The following ROR2 variants were observed in gnomAD, a reference collection of about 807,000 sequenced individuals.
ROR2 encodes tyrosine-protein kinase transmembrane receptor ROR2.
A neutral mutation model predicts 74.9 loss-of-function variants in ROR2; 33 were observed. The observed-to-expected ratio is 0.44, with a 90% CI of 0.33 to 0.59. The LOEUF is 0.59. ROR2 is among the 20% of genes least tolerant of loss of function. The pLI, the probability that ROR2 is intolerant of heterozygous loss-of-function variation, is 0.02. For synonymous variants in ROR2, 586 were observed against 558.7 expected (o/e 1.05, Z -0.69); for missense variants, 1,216 against 1,313.8 (o/e 0.93, Z 1.15).
At chr9:91,822,645 T>C (rs559248101) in intron 1 of ROR2, among the ~76,000 whole-genome samples, 10 of 152,310 alleles carry the variant, frequency 6.6e-5, no homozygotes, top group East Asian at 5.8e-4. Flanking sequence ...CGAAAACCAC[T>C]GAGCAGAAGG....
intron 1 of ROR2, among the ~76,000 whole-genome samples, chr9:91,830,263 G>T (rs1331384589): frequency 6.6e-6 from 1 of 152,082 alleles, no homozygotes; most frequent in Non-Finnish European, 1.5e-5. Flanking sequence ...CCAGGAGTTC[G>T]AGACCAGCCT....
In ROR2 at chr9:91,737,599, T is replaced by C; in HGVS notation, c.495-81A>G. 3 of 1,599,776 alleles carry C rather than the reference T, an allele frequency of 1.9e-6. No individual in the cohort carries two copies. In the South Asian group the frequency reaches 3.3e-5, roughly 18 times the overall value. ...ATGACTTCTTTTATGATCCAGCATC[T>C]TGCGATCCAGCAATTTTGTTACTTG... is the stretch of plus-strand genomic sequence containing the variant. On this transcript the variant is annotated intron_variant, in intron 4 of 8. Coordinates refer to ENST00000375708, the MANE Select transcript of ROR2 (RefSeq NM_004560.4).
chr9:91,762,548 C>A (rs773099339), intron 2 of ROR2, among the ~76,000 whole-genome samples: 1 of 152,046 alleles, frequency 6.6e-6, no homozygotes, highest in South Asian at 2.1e-4. Context: ...ATGAACAAAA[C>A]GTATAAAGAT....
chr9:91,860,251 G>A (rs1394329613), intron 1 of ROR2, among the ~76,000 whole-genome samples: 1 of 152,212 alleles, frequency 6.6e-6, no homozygotes, highest in Non-Finnish European at 1.5e-5. Context: ...ATCCTTAGCA[G>A]AGAAGCCCTC....
At position 91,792,660 on chromosome 9, in the gene ROR2, G is replaced by A. The variant is rs568306091; in HGVS notation, c.98-16842C>T. 2.0e-4 allele frequency among the ~76,000 whole-genome samples: 31 copies of A among 152,256 alleles called. No individual in the cohort carries two copies. The South Asian group carries it at 6.4e-3, about 32-fold the overall frequency. The stretch of plus-strand genomic sequence containing the variant: ...CAAACTTTAGCTAGACTGACCAAGA[G>A]AAGACTCAAATTATTAATATTAAGA... On this transcript the variant is annotated intron_variant, in intron 1 of 8. Coordinates refer to ENST00000375708, the MANE Select transcript of ROR2 (RefSeq NM_004560.4).
At chr9:91,798,661 G>GACAC (rs1378933556) in intron 1 of ROR2, among the ~76,000 whole-genome samples, 1 of 142,512 alleles carries the variant, frequency 7.0e-6, no homozygotes, top group Admixed American at 6.9e-5. Flanking sequence ...CCTGGGCTCT[G>GACAC]TGGGTGGGGC....
At chr9:91,805,284 GGCAGGGGAGAA>G (rs779421814) in intron 1 of ROR2, among the ~76,000 whole-genome samples, 9 of 152,200 alleles carry the variant, frequency 5.9e-5, no homozygotes, top group Non-Finnish European at 1.2e-4. Flanking sequence ...CGGAGTTAGG[GGCAGGGGAGAA>G]CAGATTTGAG....
intron 2 of ROR2, among the ~76,000 whole-genome samples, chr9:91,764,276 T>G (rs930753926): frequency 1.3e-5 from 2 of 152,354 alleles, no homozygotes; most frequent in Admixed American, 6.5e-5. Flanking sequence ...TTAATATCTT[T>G]ATCATTTTTA....
chr9:91,744,314 C>T (rs973073259), intron 4 of ROR2, among the ~76,000 whole-genome samples: 1 of 150,314 alleles, frequency 6.7e-6, no homozygotes, highest in Non-Finnish European at 1.5e-5. Context: ...CCACCTCCAC[C>T]TCCTGGAGGT....
chr9:91,933,366 T>C (rs940935400), intron 1 of ROR2, among the ~76,000 whole-genome samples: 2 of 151,664 alleles, frequency 1.3e-5, no homozygotes, highest in African/African-American at 2.4e-5. Flanking sequence ...GCTCTACAGA[T>C]ACTCACAGAG....
intron 1 of ROR2, among the ~76,000 whole-genome samples, chr9:91,896,430 G>A (rs1651498210): frequency 1.3e-5 from 2 of 152,316 alleles, no homozygotes; most frequent in African/African-American, 2.4e-5. Context: ...CTCACAAGGT[G>A]ATCAGATTCC....
Position 91,756,193 on chromosome 9 carries a change from G to A in ROR2, c.464-92C>T, listed in dbSNP as rs1005352623. 16 of 1,293,656 alleles carry A rather than the reference G, an allele frequency of 1.2e-5. No homozygotes were observed. The Admixed American group carries it at 2.1e-4, about 17-fold the overall frequency. The allele number at this position is 1,293,656 out of a possible 1,614,324, so 80.1% of individuals were successfully genotyped here. ...TCAGGCCAGTGGCAAACAGGCTGAA[G>A]CCAGCGGGCTCACTGGTGGGCAGCT... On this transcript the variant is annotated intron_variant, in intron 3 of 8. Coordinates refer to ENST00000375708, the MANE Select transcript of ROR2 (RefSeq NM_004560.4).
intron 1 of ROR2, among the ~76,000 whole-genome samples, chr9:91,926,643 G>A (rs1445158702): frequency 4.0e-5 from 6 of 151,702 alleles, no homozygotes. Flanking sequence ...AATCACTGTA[G>A]CCAGATGTAG....
chr9:91,819,710 T>C lies in ROR2; in HGVS notation c.98-43892A>G, dbSNP rs1260385824. On this transcript the variant is annotated intron_variant, in intron 1 of 8. Coordinates refer to ENST00000375708, the MANE Select transcript of ROR2 (RefSeq NM_004560.4). ...TCTTTGTGTGTTTTTCAGTGTGTTC[T>C]GTGTGTGTCTTTTGAGTATGTATCT... 2.8e-5 allele frequency among the ~76,000 whole-genome samples: 4 copies of C among 142,280 alleles called. No individual in the cohort carries two copies. In the East Asian group the frequency reaches 8.3e-4, roughly 29 times the overall value. 93.3% of individuals were successfully genotyped at this position (142,280 alleles called of 152,430 possible).
chr9:91,936,076 C>T (rs781284008), intron 1 of ROR2, among the ~76,000 whole-genome samples: 1 of 152,256 alleles, frequency 6.6e-6, no homozygotes, highest in Non-Finnish European at 1.5e-5. Flanking sequence ...CGGGGCCAGA[C>T]AGCTCACCAC....
intron 4 of ROR2, among the ~76,000 whole-genome samples, chr9:91,745,553 G>A (rs1348125799): frequency 6.7e-6 from 1 of 148,150 alleles, no homozygotes; most frequent in Non-Finnish European, 1.5e-5. Flanking sequence ...AGACTCCCAA[G>A]CAGCTGGGAT....
chr9:91,830,937 A>C (rs1563987541), intron 1 of ROR2, among the ~76,000 whole-genome samples: 1 of 151,830 alleles, frequency 6.6e-6, no homozygotes, highest in Non-Finnish European at 1.5e-5. Flanking sequence ...GAAGGGATTG[A>C]CAGTACACAC....
chr9:91,725,243 C>T (rs968459895), intron 8 of ROR2, 136 bp from the exon 9 acceptor site: 1 of 1,496,830 alleles, frequency 6.7e-7, no homozygotes, highest in Non-Finnish European at 9.2e-7. Flanking sequence ...CTGGTTTTGC[C>T]CACCCAGCCT....
chr9:91,753,383 A>C (rs1825648194), intron 4 of ROR2, among the ~76,000 whole-genome samples: 1 of 152,234 alleles, frequency 6.6e-6, no homozygotes, highest in Non-Finnish European at 1.5e-5. Flanking sequence ...TGGAGAACAA[A>C]GCAGGTCATT....
Sources: gnomAD v4.1 joint callset for allele counts (sites outside exome capture counted in the v4.1 genomes callset) on GRCh38, gnomAD v4.1.1 for gene constraint, MANE v1.5 for transcripts, NCBI Gene and HGNC (gene_info 2026-07-23, HGNC 2026-07-21) for gene names.